The following KANSL3 variants were observed in gnomAD, a reference collection of about 807,000 sequenced individuals.
KANSL3 encodes KAT8 regulatory NSL complex subunit 3, also known as NSL complex protein NSL3.
KANSL3 carries 16 observed loss-of-function variants against 89.2 expected under a neutral mutation model. That is an observed-to-expected ratio of 0.18 (90% CI 0.12 to 0.27). The LOEUF is 0.27. KANSL3 is among the 10% of genes least tolerant of loss of function. The probability of loss-of-function intolerance (pLI) is 1.00; values close to 1 mark genes in which losing one functional copy is unlikely to be tolerated. For missense variants in KANSL3, 879 were observed against 1,110.6 expected (o/e 0.79, Z 2.96); for synonymous variants, 385 against 419.7 (o/e 0.92, Z 1.01).
intron 14 of KANSL3, chr2:96,607,113 T>G: frequency 1.9e-6 from 2 of 1,037,104 alleles, no homozygotes; most frequent in Non-Finnish European, 2.6e-6. Flanking sequence ...AGAGAGGGAA[T>G]AAGAAAAAAG....
chr2:96,606,764 C>A, intron 14 of KANSL3: 1 of 298,898 alleles, frequency 3.3e-6, no homozygotes, highest in Non-Finnish European at 6.5e-6. Flanking sequence ...AAGAAAACAC[C>A]ATGAGAAGCA....
At chr2:96,581,183 C>T in the KANSL3 span, among the ~76,000 whole-genome samples, 89 of 152,282 alleles carry the variant, frequency 5.8e-4, no homozygotes, top group Middle Eastern at 3.4e-3. Flanking sequence ...CCCAGCACTC[C>T]GGGAGGCCGA....
chr2:96,621,115 G>A (rs1426514330), intron 3 of KANSL3, among the ~76,000 whole-genome samples: 3 of 152,186 alleles, frequency 2.0e-5, no homozygotes, highest in Non-Finnish European at 2.9e-5. Flanking sequence ...TAAATGTAGG[G>A]CTGAGACAAC....
At chr2:96,631,010 G>A (rs571189420) in intron 3 of KANSL3, among the ~76,000 whole-genome samples, 1 of 152,246 alleles carries the variant, frequency 6.6e-6, no homozygotes, top group South Asian at 2.1e-4. Flanking sequence ...TACAACAGAA[G>A]CTACTACAGA....
chr2:96,607,466 C>A (rs750632306), intron 14 of KANSL3, among the ~76,000 whole-genome samples: 1 of 152,210 alleles, frequency 6.6e-6, no homozygotes, highest in Non-Finnish European at 1.5e-5. Flanking sequence ...CAACTAATCA[C>A]CCTCTGCAGA....
chr2:96,609,108 G>A (rs1282531731), intron 12 of KANSL3, 44 bp from the exon 13 acceptor site: 2 of 1,489,216 alleles, frequency 1.3e-6, no homozygotes, highest in Non-Finnish European at 1.8e-6. Context: ...GTCCTCATCT[G>A]GAGAATGGGA....
intron 3 of KANSL3, 97 bp from the exon 4 acceptor site, chr2:96,619,859 C>T: frequency 3.1e-6 from 3 of 981,188 alleles, no homozygotes. Context: ...TTTTATGTCT[C>T]TGCTAGGGAA....
At chr2:96,619,158 T>C (rs536180092) in intron 5 of KANSL3, among the ~76,000 whole-genome samples, 66 of 152,376 alleles carry the variant, frequency 4.3e-4, no homozygotes, top group African/African-American at 1.5e-3. Context: ...TACCTCATCC[T>C]GGAGCCAGCA....
At chr2:96,592,684 T>A (rs1033482599), downstream of KANSL3, among the ~76,000 whole-genome samples, 1 of 152,190 alleles carries the variant, frequency 6.6e-6, no homozygotes, top group Non-Finnish European at 1.5e-5. Context: ...TTTTGACTGC[T>A]CTGTGCCTGT....
At chr2:96,601,475 C>G in intron 20 of KANSL3, 168 bp downstream of exon 20, 1 of 1,379,530 alleles carries the variant, frequency 7.2e-7, no homozygotes. Flanking sequence ...CAAAGATGTC[C>G]ATGATTCGCT....
rs577994901 is a variant in KANSL3, at chr2:96,614,689, T to C, written c.664-1070A>G. On this transcript the variant is annotated intron_variant, in intron 5 of 20. Transcript: ENST00000431828. Reference sequence around the variant, plus strand: ...GGGAAGCTGAGGTCCGAGAATCACCTGAACCCGGGAGGTGGAGGTTGTGGT... The same window carrying C: ...GGGAAGCTGAGGTCCGAGAATCACCCGAACCCGGGAGGTGGAGGTTGTGGT... Among the ~76,000 whole-genome samples the C allele has an allele frequency of 2.7e-5, 4 of 149,480 alleles. No homozygotes were observed. The South Asian group carries it at 8.4e-4, about 31-fold the overall frequency.
chr2:96,601,111 A>AC (rs2067117000), intron 20 of KANSL3, among the ~76,000 whole-genome samples: 3 of 152,000 alleles, frequency 2.0e-5, no homozygotes, highest in African/African-American at 7.2e-5. Context: ...ACACAGTGAA[A>AC]CCCTGTTGTA....
At chr2:96,590,809 C>G (rs2066265565), downstream of KANSL3, among the ~76,000 whole-genome samples, 1 of 151,910 alleles carries the variant, frequency 6.6e-6, no homozygotes, top group Non-Finnish European at 1.5e-5. Context: ...CATGGTGAAA[C>G]CCTGTCTCTA....
intron 3 of KANSL3, among the ~76,000 whole-genome samples, chr2:96,627,193 A>G (rs2072492044): frequency 1.3e-5 from 2 of 152,088 alleles, no homozygotes; most frequent in African/African-American, 2.4e-5. Context: ...AGCCAGAGTC[A>G]GGGGCAGGGA....
chr2:96,586,576 T>TA, the KANSL3 span, among the ~76,000 whole-genome samples: 1 of 152,242 alleles, frequency 6.6e-6, no homozygotes, highest in African/African-American at 2.4e-5. Flanking sequence ...TGTAAAAAAT[T>TA]ACTTCCTTGT....
chr2:96,614,508 T>C (rs1045643018), intron 5 of KANSL3, among the ~76,000 whole-genome samples: 19 of 152,180 alleles, frequency 1.2e-4, no homozygotes, highest in Non-Finnish European at 2.1e-4. Context: ...CAGCGACTCA[T>C]GCCTGTAATC....
chr2:96,621,878 G>A (rs2071348970), intron 3 of KANSL3, among the ~76,000 whole-genome samples: 1 of 152,182 alleles, frequency 6.6e-6, no homozygotes, highest in South Asian at 2.1e-4. Context: ...CACTTCAGGA[G>A]GCCAAGGCAG....
chr2:96,605,309 G>A lies in KANSL3; in HGVS notation c.1933+11C>T, dbSNP rs758011918. 9 of 1,603,300 alleles carry A rather than the reference G, an allele frequency of 5.6e-6. No individual in the cohort carries two copies. The African/African-American group carries it at 1.2e-4, about 21-fold the overall frequency. On this transcript the variant is annotated intron_variant, in intron 15 of 20. Transcript: ENST00000431828. ...GCTCAGTTCTCATTTAACGTACCAA[G>A]AGAAACTCACCTTCTGGAGCACTTC...
At chr2:96,613,919 G>A (rs58548375) in intron 5 of KANSL3, among the ~76,000 whole-genome samples, 2 of 151,900 alleles carry the variant, frequency 1.3e-5, no homozygotes, top group African/African-American at 2.4e-5. Flanking sequence ...CAAAGAAAAC[G>A]TATCAGAAAC....
Sources: allele counts gnomAD v4.1 joint callset (sites outside exome capture counted in the v4.1 genomes callset), GRCh38; gene constraint gnomAD v4.1.1; transcripts MANE v1.5; gene names NCBI Gene and HGNC (gene_info 2026-07-23, HGNC 2026-07-21).